The following SIDT1 variants were observed in gnomAD, a reference collection of about 807,000 sequenced individuals.
SIDT1 encodes SID1 transmembrane family, member 1.
A neutral mutation model predicts 107.5 loss-of-function variants in SIDT1; 101 were observed. The ratio of observed to expected loss-of-function variants is 0.94; its 90% CI spans 0.80 to 1.11. SIDT1 has a LOEUF of 1.11. SIDT1 is among the 50% of genes least tolerant of loss of function. The pLI, the probability that SIDT1 is intolerant of heterozygous loss-of-function variation, is 0.00. For synonymous variants in SIDT1, 395 were observed against 398.2 expected (o/e 0.99, Z 0.10); for missense variants, 1,076 against 1,058.2 (o/e 1.02, Z -0.23).
chr3:113,592,740 A>C (rs1022996552), intron 9 of SIDT1: 2 of 382,588 alleles, frequency 5.2e-6, no homozygotes, highest in Admixed American at 7.3e-5. Context: ...GGCACCTGCC[A>C]TCACGCCCAG....
intron 1 of SIDT1, among the ~76,000 whole-genome samples, chr3:113,554,080 AC>A (rs1301347702): frequency 2.0e-5 from 3 of 152,110 alleles, no homozygotes; most frequent in African/African-American, 7.2e-5. Context: ...CAATGCAAAA[AC>A]TGAGGAACCT....
rs1317089090 is a variant in SIDT1 at position 113,581,589 on chromosome 3, C to G, written c.747+145C>G. 38 of 680,202 alleles carry G rather than the reference C, an allele frequency of 5.6e-5. No individual in the cohort carries two copies. In the Admixed American group the frequency reaches 6.3e-4, roughly 11 times the overall value. 42.1% of individuals were successfully genotyped at this position (680,202 alleles called of 1,614,324 possible). On this transcript the variant is annotated intron_variant, in intron 6 of 24. Coordinates refer to ENST00000264852, the MANE Select transcript of SIDT1 (RefSeq NM_017699.3). ...CTGATTGGTTTAAAAACTAATATGTCTGGCCAGGCGCAGTGGCTCACACCT... is the reference window on the plus strand; with the variant it reads ...CTGATTGGTTTAAAAACTAATATGTGTGGCCAGGCGCAGTGGCTCACACCT...
Position 113,567,858 on chromosome 3 carries a change from A to G in SIDT1, c.515+148A>G, listed in dbSNP as rs185631996. Reference sequence around the variant, plus strand: ...CACTTCCTGAACTCTCCTGCCCATAACTGAGCAGCAGGGCCTTAATCTATA... The same window carrying G: ...CACTTCCTGAACTCTCCTGCCCATAGCTGAGCAGCAGGGCCTTAATCTATA... On this transcript the variant is annotated intron_variant, in intron 3 of 24. Transcript: ENST00000264852. The G allele has an allele frequency of 5.8e-4, 434 of 744,982 alleles. 3 individuals carry two copies. In the African/African-American group the frequency reaches 7.0e-3, roughly 12 times the overall value. 46.1% of individuals were successfully genotyped at this position (744,982 alleles called of 1,614,324 possible). A position where few individuals can be genotyped will look rare whatever the true frequency, so the allele number is the denominator to read the frequency against.
rs369794832 is a variant in SIDT1, at chr3:113,571,678, A to G, written c.515+3968A>G. ...GGCATTAGGAAATTTAAACGTCTGT[A>G]ATCCCAGCACTTTGGGAGACCAAGG... On this transcript the variant is annotated intron_variant, in intron 3 of 24. Coordinates refer to ENST00000264852, the MANE Select transcript of SIDT1 (RefSeq NM_017699.3). 2.0e-4 allele frequency among the ~76,000 whole-genome samples: 30 copies of G among 152,350 alleles called. No individual in the cohort carries two copies. The East Asian group carries it at 4.2e-3, about 22-fold the overall frequency.
At chr3:113,567,815 C>A in intron 3 of SIDT1, 105 bp downstream of exon 3, 1 of 1,192,154 alleles carries the variant, frequency 8.4e-7, no homozygotes, top group Non-Finnish European at 1.2e-6. Context: ...AAATTATCCA[C>A]TTAGCATATG....
intron 17 of SIDT1, among the ~76,000 whole-genome samples, chr3:113,609,058 C>CTTTTTTTTTTTT (rs11453487): frequency 3.5e-5 from 3 of 86,680 alleles, no homozygotes; most frequent in African/African-American, 8.6e-5. Context: ...TGAGCCCATT[C>CTTTTTTTTTTTT]TTTTTTTTTT....
At chr3:113,610,884 C>T (rs1194105001) in intron 17 of SIDT1, 124 bp from the exon 18 acceptor site, 4 of 1,187,216 alleles carry the variant, frequency 3.4e-6, no homozygotes, top group East Asian at 2.4e-5. Context: ...ACACAGCCTG[C>T]GGGTAGAAAA....
intron 3 of SIDT1, among the ~76,000 whole-genome samples, chr3:113,572,077 TA>T (rs1303232345): frequency 6.6e-6 from 1 of 152,004 alleles, no homozygotes. Flanking sequence ...TGAATTGAAA[TA>T]TTAGGAGAGG....
At chr3:113,551,919 G>A (rs1434907790) in intron 1 of SIDT1, among the ~76,000 whole-genome samples, 1 of 151,860 alleles carries the variant, frequency 6.6e-6, no homozygotes, top group Non-Finnish European at 1.5e-5. Flanking sequence ...GGGCATCTTG[G>A]AGACCCGAGC....
In SIDT1 at chr3:113,611,250, TTCATGACACAATTTCATC is replaced by T. The variant is rs1280954763; in HGVS notation, c.1857+135_1857+152del. 5.4e-5 allele frequency: 72 copies of T among 1,321,818 alleles called. 1 individual carries two copies. The highest frequency in any genetic ancestry group is 1.8e-4 in the South Asian group (12 of 67,824). 81.9% of individuals were successfully genotyped at this position (1,321,818 alleles called of 1,614,324 possible). On this transcript the variant is annotated intron_variant, in intron 18 of 24. Coordinates refer to ENST00000264852, the MANE Select transcript of SIDT1 (RefSeq NM_017699.3). Reference sequence around the variant, plus strand: ...GGTTTGGATTAACCAAAATCCTCAGTTCATGACACAATTTCATCTCATGACACAATTTCATCTCATGAC... The same window carrying T: ...GGTTTGGATTAACCAAAATCCTCAGTTCATGACACAATTTCATCTCATGAC...
At chr3:113,612,044 G>C in intron 18 of SIDT1, 42 bp from the exon 19 acceptor site, 1 of 1,443,820 alleles carries the variant, frequency 6.9e-7, no homozygotes, top group Non-Finnish European at 9.7e-7. Context: ...GAGTTTTCTA[G>C]GGAAAACCTC....
chr3:113,594,959 T>C (rs941529947), intron 10 of SIDT1: 2 of 154,352 alleles, frequency 1.3e-5, no homozygotes, highest in African/African-American at 4.8e-5. Context: ...CACCTTCACC[T>C]GGCAGCACCA....
chr3:113,602,870 T>A, intron 11 of SIDT1, 135 bp from the exon 12 acceptor site: 2 of 804,274 alleles, frequency 2.5e-6, no homozygotes, highest in Non-Finnish European at 1.9e-6. Flanking sequence ...AAAGAACAGG[T>A]CTTGTGAATG....
At chr3:113,622,403 G>A (rs571873574) in intron 21 of SIDT1, among the ~76,000 whole-genome samples, 3 of 145,832 alleles carry the variant, frequency 2.1e-5, no homozygotes, top group African/African-American at 5.1e-5. Flanking sequence ...GGTGGAGGTT[G>A]CAGTGAGCCG....
intron 14 of SIDT1, 113 bp downstream of exon 14, chr3:113,605,089 A>C: frequency 1.1e-6 from 1 of 937,182 alleles, no homozygotes. Flanking sequence ...GGAATTTCCC[A>C]TTGGGGTTCC....
chr3:113,548,503 A>G (rs1939851432), intron 1 of SIDT1, among the ~76,000 whole-genome samples: 1 of 151,924 alleles, frequency 6.6e-6, no homozygotes, highest in African/African-American at 2.4e-5. Context: ...GGAACATGCC[A>G]CTCCACTATA....
chr3:113,574,751 A>C (rs1942767346), intron 3 of SIDT1, among the ~76,000 whole-genome samples: 1 of 152,114 alleles, frequency 6.6e-6, no homozygotes, highest in Non-Finnish European at 1.5e-5. Context: ...TAGCCAGCAC[A>C]AGGAAACAAA....
At chr3:113,538,422 C>T (rs949801784) in intron 1 of SIDT1, among the ~76,000 whole-genome samples, 2 of 152,162 alleles carry the variant, frequency 1.3e-5, no homozygotes, top group Admixed American at 6.5e-5. Context: ...TGTCCAGTGG[C>T]TATTGAGAAC....
chr3:113,532,928 C>G lies in SIDT1; in HGVS notation c.-94C>G. On this transcript the variant is annotated 5_prime_UTR_variant, in exon 1 of 25. Transcript: ENST00000264852. ...ATCACCCGCTCGGCTCTGAAGCGGACGCCTGGCCCTGCACCGGGCTTTGGA... is the reference window on the plus strand; with the variant it reads ...ATCACCCGCTCGGCTCTGAAGCGGAGGCCTGGCCCTGCACCGGGCTTTGGA... 1.2e-6 allele frequency: 1 copy of G among 860,582 alleles called. No homozygotes were observed. The highest frequency in any genetic ancestry group is 3.5e-5 in the East Asian group (1 of 28,960). 53.3% of individuals were successfully genotyped at this position (860,582 alleles called of 1,614,324 possible). A position where few individuals can be genotyped will look rare whatever the true frequency, so the allele number is the denominator to read the frequency against.
Sources: gnomAD v4.1 joint callset for allele counts (sites outside exome capture counted in the v4.1 genomes callset) on GRCh38, gnomAD v4.1.1 for gene constraint, MANE v1.5 for transcripts, NCBI Gene and HGNC (gene_info 2026-07-23, HGNC 2026-07-21) for gene names.